CCDC33: variants seen among roughly 807,000 people sequenced by gnomAD.
CCDC33 encodes coiled-coil domain-containing protein 33.
In CCDC33, 94 loss-of-function variants were observed where a neutral mutation model predicts 91.9. The observed-to-expected ratio is 1.02, with a 90% CI of 0.87 to 1.21. CCDC33 has a LOEUF of 1.21. Ranked by LOEUF, CCDC33 falls within the 50% of genes most tolerant of loss-of-function variation. The probability of loss-of-function intolerance (pLI) is 0.00; values close to 1 mark genes in which losing one functional copy is unlikely to be tolerated. For synonymous variants in CCDC33, 396 were observed against 374.5 expected (o/e 1.06, Z -0.66); for missense variants, 940 against 935.5 (o/e 1.00, Z -0.06).
intron 2 of CCDC33, among the ~76,000 whole-genome samples, chr15:74,211,397 T>C (rs966631647): frequency 4.6e-4 from 66 of 143,964 alleles, no homozygotes; most frequent in African/African-American, 1.7e-3. Context: ...CCCTGGCTTT[T>C]TTTTTTTTTT....
chr15:74,300,796 C>T (rs2059780809), intron 11 of CCDC33: 1 of 153,014 alleles, frequency 6.5e-6, no homozygotes, highest in Admixed American at 6.5e-5. Context: ...TGTCCCATCC[C>T]CATGGCTCAC....
chr15:74,232,240 C>G (rs2075000003), upstream of CCDC33, among the ~76,000 whole-genome samples: 1 of 152,106 alleles, frequency 6.6e-6, no homozygotes, highest in South Asian at 2.1e-4. Flanking sequence ...GCAGGTATAT[C>G]AGCCAGGGTC....
intron 11 of CCDC33, among the ~76,000 whole-genome samples, chr15:74,308,090 C>T (rs1252131473): frequency 6.6e-6 from 1 of 152,106 alleles, no homozygotes; most frequent in Non-Finnish European, 1.5e-5. Flanking sequence ...GTGGGCACGT[C>T]CCCCTTGGGA....
chr15:74,330,080 G>A, intron 11 of CCDC33, 109 bp from the exon 12 acceptor site: 1 of 1,294,570 alleles, frequency 7.7e-7, no homozygotes, highest in Non-Finnish European at 1.1e-6. Context: ...GGGGCTCCTG[G>A]TGCTCACTGG....
At chr15:74,310,240 C>T (rs1042547118) in intron 11 of CCDC33, among the ~76,000 whole-genome samples, 1 of 152,046 alleles carries the variant, frequency 6.6e-6, no homozygotes, top group African/African-American at 2.4e-5. Context: ...TCTGGCTAAT[C>T]AGAATTTGAA....
At chr15:74,255,752 G>A (rs532503636) in intron 2 of CCDC33, among the ~76,000 whole-genome samples, 1 of 152,344 alleles carries the variant, frequency 6.6e-6, no homozygotes, top group East Asian at 1.9e-4. Context: ...GGGCCTGGAG[G>A]GAGCCCAGTT....
chr15:74,308,367 A>ACACACG (rs2059930866), intron 11 of CCDC33, among the ~76,000 whole-genome samples: 1 of 151,724 alleles, frequency 6.6e-6, no homozygotes, highest in Non-Finnish European at 1.5e-5. Flanking sequence ...AGACACACAC[A>ACACACG]CACACACACA....
chr15:74,225,223 A>ACCAGCC (rs1659075386), intron 2 of CCDC33, among the ~76,000 whole-genome samples: 1 of 151,680 alleles, frequency 6.6e-6, no homozygotes, highest in African/African-American at 2.4e-5. Context: ...TCCCAACCAG[A>ACCAGCC]CCAGCCCCAG....
chr15:74,313,415 CTTT>C (rs35519774), intron 11 of CCDC33, among the ~76,000 whole-genome samples: 165 of 94,166 alleles, frequency 1.8e-3, no homozygotes, highest in East Asian at 9.0e-3. Context: ...TTCTTTCTTT[CTTT>C]TTTTTTTTTT....
At position 74,279,986 on chromosome 15, in the gene CCDC33, A is replaced by G; in HGVS notation, c.783A>G (p.Pro261=). 6.2e-7 allele frequency: 1 copy of G among 1,614,076 alleles called. No homozygotes were observed. Among genetic ancestry groups the G allele is most frequent in the African/African-American group, 1.3e-5 (1 of 75,038 alleles). Residue 261 remains proline (P), a synonymous_variant, in exon 8 of 19, where the codon CCA becomes CCG. Coordinates refer to ENST00000398814, the MANE Select transcript of CCDC33 (RefSeq NM_025055.5). ...CPQLSKPGGP[P]EQPLWNQSFL... is the part of the protein sequence containing the mutation. ...AGCTGTCCAAGCCTGGGGGACCCCCAGAGCAGCCCCTGTGGAATCAGTCCT... is the reference window on the plus strand; with the variant it reads ...AGCTGTCCAAGCCTGGGGGACCCCCGGAGCAGCCCCTGTGGAATCAGTCCT...
At chr15:74,251,986 T>C (rs987509777) in intron 2 of CCDC33, among the ~76,000 whole-genome samples, 2 of 152,164 alleles carry the variant, frequency 1.3e-5, no homozygotes, top group Admixed American at 1.3e-4. Context: ...AATTGAGGTA[T>C]AATATTATCA....
upstream of CCDC33, among the ~76,000 whole-genome samples, chr15:74,216,860 A>G (rs1269739696): frequency 6.6e-6 from 1 of 151,614 alleles, no homozygotes; most frequent in African/African-American, 2.4e-5. Context: ...AATTTTTTCC[A>G]TAGAACTTAA....
chr15:74,276,657 C>G (rs990674976), intron 7 of CCDC33, among the ~76,000 whole-genome samples: 9 of 152,246 alleles, frequency 5.9e-5, no homozygotes, highest in African/African-American at 2.2e-4. Context: ...CACTCTCAGC[C>G]AGGTCCACAG....
At chr15:74,305,497 G>C (rs888516265) in intron 11 of CCDC33, among the ~76,000 whole-genome samples, 2 of 152,150 alleles carry the variant, frequency 1.3e-5, no homozygotes, top group African/African-American at 2.4e-5. Flanking sequence ...AAGTGAGACA[G>C]CATGAAAAGG....
chr15:74,311,431 A>T (rs1326289463), intron 11 of CCDC33: 1 of 152,228 alleles, frequency 6.6e-6, no homozygotes, highest in East Asian at 1.9e-4. Flanking sequence ...GAGCACAGTC[A>T]TCTAAACAGA....
rs1314988171 is a variant in CCDC33, at chr15:74,333,903, A to G, written c.1961A>G (p.Asp654Gly). The change falls in exon 17 of 19, where the codon GAC becomes GGC. Residue 654 changes from aspartate (D) to glycine (G), a missense_variant. Transcript: ENST00000398814. ...ALPDLLSGTS[D>G]KFNLLAKLEH... The stretch of plus-strand genomic sequence containing the variant: ...CAGGATCTCCTCTCTGGTACTTCAG[A>G]CAAGTTCAACCTCCTGGCCAAGCTG... 6.2e-7 allele frequency: 1 copy of G among 1,613,546 alleles called. No individual in the cohort carries two copies. The highest frequency in any genetic ancestry group is 8.5e-7 in the Non-Finnish European group (1 of 1,179,706).
intron 10 of CCDC33, among the ~76,000 whole-genome samples, chr15:74,295,083 C>T (rs953964239): frequency 6.6e-6 from 1 of 152,178 alleles, no homozygotes; most frequent in South Asian, 2.1e-4. Context: ...GAAAATAGGT[C>T]TACATAGCAA....
At chr15:74,274,075 C>G (rs1056097848) in intron 7 of CCDC33, among the ~76,000 whole-genome samples, 2 of 152,204 alleles carry the variant, frequency 1.3e-5, no homozygotes, top group Non-Finnish European at 2.9e-5. Flanking sequence ...TGTGACCTGT[C>G]CACCTCGGCC....
intron 1 of CCDC33, among the ~76,000 whole-genome samples, 186 bp downstream of exon 1, chr15:74,236,926 C>T (rs544143816): frequency 6.6e-6 from 1 of 152,372 alleles, no homozygotes; most frequent in South Asian, 2.1e-4. Flanking sequence ...GCCCTATACT[C>T]TTGGGCCACA....
Sources: allele counts gnomAD v4.1 joint callset (sites outside exome capture counted in the v4.1 genomes callset), GRCh38; gene constraint gnomAD v4.1.1; transcripts MANE v1.5; gene names NCBI Gene and HGNC (gene_info 2026-07-23, HGNC 2026-07-21).